Variants in ABCC4 observed in about 807,000 individuals in gnomAD.
The protein encoded by ABCC4 is ATP binding cassette subfamily C member 4 (PEL blood group), also known as ATP-binding cassette sub-family C member 4.
In ABCC4, 102 loss-of-function variants were observed where a neutral mutation model predicts 168.5. That is an observed-to-expected ratio of 0.61 (90% CI 0.52 to 0.71). The LOEUF (loss-of-function observed/expected upper bound fraction) is 0.71. ABCC4 is among the 30% of genes least tolerant of loss of function. The pLI is 0.00. For missense variants in ABCC4, 1,402 were observed against 1,605.8 expected (o/e 0.87, Z 2.17); for synonymous variants, 617 against 590.7 (o/e 1.04, Z -0.65).
At chr13:95,121,168 A>C (rs2035558589) in intron 19 of ABCC4, among the ~76,000 whole-genome samples, 1 of 152,138 alleles carries the variant, frequency 6.6e-6, no homozygotes. Context: ...GGACTCAACA[A>C]TACAGGGCAA....
intron 26 of ABCC4, chr13:95,053,711 T>G (rs2032934295): frequency 6.1e-6 from 1 of 162,632 alleles, no homozygotes; most frequent in African/African-American, 2.4e-5. Context: ...GCGCAGTGGC[T>G]CACGCATGTA....
intron 1 of ABCC4, among the ~76,000 whole-genome samples, chr13:95,265,787 G>A (rs1460286918): frequency 6.6e-6 from 1 of 152,172 alleles, no homozygotes; most frequent in Non-Finnish European, 1.5e-5. Flanking sequence ...AGCTCTGAAG[G>A]AGAGGCAAGT....
intron 19 of ABCC4, among the ~76,000 whole-genome samples, chr13:95,124,230 G>C (rs2035673116): frequency 6.6e-6 from 1 of 152,174 alleles, no homozygotes; most frequent in Admixed American, 6.5e-5. Flanking sequence ...TTTGGCTGGA[G>C]AAAGTAGTCC....
At chr13:95,228,704 C>T (rs1386664976) in intron 4 of ABCC4, among the ~76,000 whole-genome samples, 1 of 150,716 alleles carries the variant, frequency 6.6e-6, no homozygotes, top group Non-Finnish European at 1.5e-5. Context: ...GCGGAGGTTG[C>T]AGTGAACTAA....
At chr13:95,183,685 G>C (rs1448856809) in intron 11 of ABCC4, among the ~76,000 whole-genome samples, 1 of 152,162 alleles carries the variant, frequency 6.6e-6, no homozygotes, top group Non-Finnish European at 1.5e-5. Flanking sequence ...AGCAAAAGCA[G>C]GTGGATCACT....
intron 9 of ABCC4, among the ~76,000 whole-genome samples, chr13:95,193,470 G>A (rs559587175): frequency 1.1e-4 from 17 of 152,316 alleles, no homozygotes; most frequent in South Asian, 4.1e-4. Flanking sequence ...GCTTCCTGCC[G>A]TGGCTGATCT....
At chr13:95,091,463 T>C (rs1399500341) in intron 20 of ABCC4, among the ~76,000 whole-genome samples, 2 of 152,138 alleles carry the variant, frequency 1.3e-5, no homozygotes, top group African/African-American at 4.8e-5. Context: ...AGAAACCCTA[T>C]AAGCTAGAAG....
At chr13:95,035,806 T>C (rs531611069) in intron 29 of ABCC4, among the ~76,000 whole-genome samples, 1 of 152,316 alleles carries the variant, frequency 6.6e-6, no homozygotes, top group Admixed American at 6.5e-5. Flanking sequence ...ACTTAGTTCT[T>C]CAGTTAGGCC....
At chr13:95,051,528 C>T (rs1227214403) in intron 27 of ABCC4, among the ~76,000 whole-genome samples, 1 of 152,002 alleles carries the variant, frequency 6.6e-6, no homozygotes, top group African/African-American at 2.4e-5. Flanking sequence ...GCCACCACAT[C>T]TGGCTAATTC....
intron 1 of ABCC4, among the ~76,000 whole-genome samples, chr13:95,284,131 C>T (rs1447055233): frequency 6.6e-6 from 1 of 152,152 alleles, no homozygotes. Context: ...ATTACTTGAA[C>T]CTGGGAGGCA....
intron 18 of ABCC4, chr13:95,161,700 T>TA (rs145127205): frequency 8.4e-5 from 13 of 155,190 alleles, no homozygotes; most frequent in African/African-American, 3.1e-4. Context: ...TCCCATAATC[T>TA]AAAAAAGGTG....
At chr13:95,063,328 T>G (rs921919366) in intron 25 of ABCC4, among the ~76,000 whole-genome samples, 50 of 152,338 alleles carry the variant, frequency 3.3e-4, no homozygotes, top group African/African-American at 1.2e-3. Flanking sequence ...CTGAGATAAT[T>G]TCACAGGGAT....
At chr13:95,273,811 GGTTT>G (rs1447863744) in intron 1 of ABCC4, among the ~76,000 whole-genome samples, 1 of 114,432 alleles carries the variant, frequency 8.7e-6, no homozygotes, top group Non-Finnish European at 1.8e-5. Flanking sequence ...TTTTTTTTTT[GGTTT>G]GTTTTTTTTT....
intron 1 of ABCC4, among the ~76,000 whole-genome samples, chr13:95,274,380 A>T (rs2040920250): frequency 6.6e-6 from 1 of 152,116 alleles, no homozygotes; most frequent in South Asian, 2.1e-4. Flanking sequence ...CTGATATGCA[A>T]ACCAACCAAC....
chr13:95,201,025 CT>C (rs1335392052), intron 8 of ABCC4, among the ~76,000 whole-genome samples: 1 of 152,182 alleles, frequency 6.6e-6, no homozygotes, highest in African/African-American at 2.4e-5. Flanking sequence ...CCATTTGTTT[CT>C]CCTTTACTGA....
chr13:95,136,658 G>GA (rs1362773402), intron 19 of ABCC4, among the ~76,000 whole-genome samples: 1 of 152,160 alleles, frequency 6.6e-6, no homozygotes, highest in African/African-American at 2.4e-5. Context: ...ATGCTAACTC[G>GA]GAAAGACAGG....
chr13:95,158,292 G>A (rs1020632094), intron 19 of ABCC4, among the ~76,000 whole-genome samples: 1 of 152,074 alleles, frequency 6.6e-6, no homozygotes, highest in African/African-American at 2.4e-5. Context: ...GCATGATGAG[G>A]GGGATGGCAC....
chr13:95,081,218 A>G (rs1178326544), intron 21 of ABCC4, among the ~76,000 whole-genome samples: 1 of 149,822 alleles, frequency 6.7e-6, no homozygotes, highest in Non-Finnish European at 1.5e-5. Context: ...CTGAAATTCA[A>G]GAGAGAAAAT....
intron 9 of ABCC4, among the ~76,000 whole-genome samples, chr13:95,193,821 T>G (rs538683718): frequency 2.2e-4 from 34 of 152,320 alleles, no homozygotes; most frequent in African/African-American, 7.9e-4. Flanking sequence ...AGGAACGAGT[T>G]CAGAGGCGAA....
Sources: allele counts gnomAD v4.1 joint callset (sites outside exome capture counted in the v4.1 genomes callset), GRCh38; gene constraint gnomAD v4.1.1; transcripts MANE v1.5; gene names NCBI Gene and HGNC (gene_info 2026-07-23, HGNC 2026-07-21).